Variants in CCDC192 observed in about 807,000 individuals in gnomAD.
CCDC192 encodes coiled-coil domain containing 192.
In CCDC192 at chr5:127,764,010, G is replaced by A. The variant is rs142061445; in HGVS notation, c.222+9635G>A. 4.6e-5 allele frequency among the ~76,000 whole-genome samples: 7 copies of A among 152,248 alleles called. No individual in the cohort carries two copies. The South Asian group carries it at 1.5e-3, about 32-fold the overall frequency. On this transcript the variant is annotated intron_variant, in intron 3 of 6. Transcript: ENST00000514853. Reference sequence around the variant, plus strand: ...CTCCCACCTCCCGCCGATAATAATTGCTTGTCTGTGTCTCCCACTATACCA... The same window carrying A: ...CTCCCACCTCCCGCCGATAATAATTACTTGTCTGTGTCTCCCACTATACCA...
At chr5:127,767,968 G>C (rs1409150504) in intron 3 of CCDC192, among the ~76,000 whole-genome samples, 1 of 152,084 alleles carries the variant, frequency 6.6e-6, no homozygotes, top group African/African-American at 2.4e-5. Flanking sequence ...GTAAAGATAA[G>C]GTCGGCAGGG....
At chr5:127,831,419 C>T (rs1749792050) in intron 5 of CCDC192, among the ~76,000 whole-genome samples, 1 of 151,772 alleles carries the variant, frequency 6.6e-6, no homozygotes, top group Non-Finnish European at 1.5e-5. Flanking sequence ...TGCACATCTC[C>T]AGTCATTGAA....
At chr5:127,847,942 G>T (rs1241849178) in intron 5 of CCDC192, among the ~76,000 whole-genome samples, 1 of 151,966 alleles carries the variant, frequency 6.6e-6, no homozygotes, top group Non-Finnish European at 1.5e-5. Flanking sequence ...GATTACTGGT[G>T]CCCACCACCA....
At chr5:127,717,106 C>T (rs948967317) in intron 2 of CCDC192, among the ~76,000 whole-genome samples, 1 of 152,046 alleles carries the variant, frequency 6.6e-6, no homozygotes, top group Admixed American at 6.6e-5. Flanking sequence ...TAACTGACAG[C>T]CCTTTAGAGA....
chr5:127,753,060 A>C (rs1383779520), intron 2 of CCDC192, among the ~76,000 whole-genome samples: 1 of 152,076 alleles, frequency 6.6e-6, no homozygotes, highest in African/African-American at 2.4e-5. Flanking sequence ...GAAATGCAGA[A>C]ATCACCCGTC....
At chr5:127,892,903 T>C (rs1364504889) in intron 6 of CCDC192, among the ~76,000 whole-genome samples, 1 of 152,150 alleles carries the variant, frequency 6.6e-6, no homozygotes, top group Non-Finnish European at 1.5e-5. Context: ...CTCCATTGTC[T>C]CGAGTGACAC....
chr5:127,768,028 C>T (rs1401525098), intron 3 of CCDC192, among the ~76,000 whole-genome samples: 1 of 151,926 alleles, frequency 6.6e-6, no homozygotes, highest in African/African-American at 2.4e-5. Context: ...CCGAGGTGGG[C>T]GGATCACGAG....
chr5:127,916,669 G>C (rs1055149325), intron 6 of CCDC192, among the ~76,000 whole-genome samples: 4 of 152,214 alleles, frequency 2.6e-5, no homozygotes, highest in African/African-American at 9.6e-5. Context: ...TCAATGAGCA[G>C]TAATATTTTG....
chr5:127,893,725 C>T (rs1311946907), intron 6 of CCDC192, among the ~76,000 whole-genome samples: 1 of 152,138 alleles, frequency 6.6e-6, no homozygotes, highest in Non-Finnish European at 1.5e-5. Flanking sequence ...CCCAACAAAA[C>T]CTTTCTGAAT....
At chr5:127,938,964 A>T (rs1580847499) in intron 6 of CCDC192, among the ~76,000 whole-genome samples, 1 of 152,212 alleles carries the variant, frequency 6.6e-6, no homozygotes, top group South Asian at 2.1e-4. Flanking sequence ...ACACCAGGAG[A>T]TGAGGAAGGC....
intron 6 of CCDC192, among the ~76,000 whole-genome samples, chr5:127,885,530 G>A (rs975236614): frequency 2.3e-4 from 35 of 152,304 alleles, no homozygotes; most frequent in Admixed American, 2.0e-3. Flanking sequence ...ATTCTCTCCT[G>A]TAGCTCCCCA....
At chr5:127,702,387 G>A (rs1750743839), upstream of CCDC192, among the ~76,000 whole-genome samples, 1 of 152,190 alleles carries the variant, frequency 6.6e-6, no homozygotes, top group Admixed American at 6.5e-5. Context: ...TACCCATTTA[G>A]TGTTGGCTTT....
At chr5:127,904,010 T>G (rs1432093993) in intron 6 of CCDC192, among the ~76,000 whole-genome samples, 2 of 152,172 alleles carry the variant, frequency 1.3e-5, no homozygotes, top group African/African-American at 4.8e-5. Flanking sequence ...GTTAAGGATC[T>G]TGAGATGGGG....
At chr5:127,711,620 T>C (rs1751342043) in intron 2 of CCDC192, among the ~76,000 whole-genome samples, 1 of 152,182 alleles carries the variant, frequency 6.6e-6, no homozygotes, top group Non-Finnish European at 1.5e-5. Context: ...AAGATGACTT[T>C]CAAAAGATTC....
intron 2 of CCDC192, among the ~76,000 whole-genome samples, chr5:127,729,451 C>A (rs1267940305): frequency 1.3e-5 from 2 of 152,148 alleles, no homozygotes; most frequent in Non-Finnish European, 2.9e-5. Context: ...TTAGACAGAT[C>A]ACAGATCATA....
chr5:127,926,031 C>T (rs575008237), intron 6 of CCDC192, among the ~76,000 whole-genome samples: 1 of 151,908 alleles, frequency 6.6e-6, no homozygotes, highest in African/African-American at 2.4e-5. Flanking sequence ...GATTTATAGA[C>T]AAAAAAAGGG....
intron 2 of CCDC192, among the ~76,000 whole-genome samples, chr5:127,725,553 T>G (rs1196872553): frequency 6.6e-6 from 1 of 152,232 alleles, no homozygotes; most frequent in African/African-American, 2.4e-5. Flanking sequence ...TATTCCCATT[T>G]ATTGTACTAA....
chr5:127,777,085 G>A (rs541429080), intron 3 of CCDC192, among the ~76,000 whole-genome samples: 1 of 152,176 alleles, frequency 6.6e-6, no homozygotes, highest in Non-Finnish European at 1.5e-5. Flanking sequence ...ATCCCTGAGT[G>A]GTAGATCCAC....
At chr5:127,936,857 G>T (rs1161199199) in intron 6 of CCDC192, among the ~76,000 whole-genome samples, 1 of 152,184 alleles carries the variant, frequency 6.6e-6, no homozygotes, top group African/African-American at 2.4e-5. Context: ...GGGACCACAG[G>T]TGTGTGAAGT....
Sources: gnomAD v4.1 joint callset for allele counts (sites outside exome capture counted in the v4.1 genomes callset) on GRCh38, gnomAD v4.1.1 for gene constraint, MANE v1.5 for transcripts, NCBI Gene and HGNC (gene_info 2026-07-23, HGNC 2026-07-21) for gene names.